Variants in RUNX1T1 observed in about 807,000 individuals in gnomAD.
RUNX1T1 encodes the protein RUNX1 partner transcriptional co-repressor 1, also known as protein CBFA2T1.
A neutral mutation model predicts 62.8 loss-of-function variants in RUNX1T1; 4 were observed. The ratio of observed to expected loss-of-function variants is 0.06; its 90% CI spans 0.03 to 0.15. The LOEUF (loss-of-function observed/expected upper bound fraction) is 0.15, where lower values mean the gene tolerates loss of function less well. Among genes scored for constraint, RUNX1T1 ranks in the 10% least tolerant of loss-of-function variants. RUNX1T1 has a pLI of 1.00. For synonymous variants in RUNX1T1, 291 were observed against 286.0 expected (o/e 1.02, Z -0.18); for missense variants, 508 against 754.3 (o/e 0.67, Z 3.82).
At chr8:91,977,197 A>G (rs968743674) in intron 8 of RUNX1T1, 3 of 197,418 alleles carry the variant, frequency 1.5e-5, no homozygotes, top group African/African-American at 6.9e-5. Flanking sequence ...TTTCTCAACT[A>G]TTCTGAATTA....
At chr8:92,040,337 G>A (rs369173974) in intron 1 of RUNX1T1, among the ~76,000 whole-genome samples, 1 of 152,120 alleles carries the variant, frequency 6.6e-6, no homozygotes, top group African/African-American at 2.4e-5. Flanking sequence ...ATTTGCAGGT[G>A]TGTGTCCCGT....
intron 1 of RUNX1T1, among the ~76,000 whole-genome samples, chr8:92,091,285 C>G (rs552574343): frequency 6.6e-6 from 1 of 152,280 alleles, no homozygotes; most frequent in East Asian, 1.9e-4. Flanking sequence ...TCATGAATTA[C>G]TTTATAAAGG....
chr8:91,986,037 T>C (rs1293644973), intron 8 of RUNX1T1, 87 bp downstream of exon 9: 1 of 921,358 alleles, frequency 1.1e-6, no homozygotes, highest in Non-Finnish European at 1.8e-6. Flanking sequence ...TCCTTGCATA[T>C]CCTTTAATTT....
intron 1 of RUNX1T1, among the ~76,000 whole-genome samples, chr8:92,086,749 A>G (rs1454336495): frequency 6.6e-6 from 1 of 152,184 alleles, no homozygotes; most frequent in East Asian, 1.9e-4. Context: ...GGTTGGTATT[A>G]ATAACTTCCC....
intron 1 of RUNX1T1, among the ~76,000 whole-genome samples, chr8:92,022,284 CAGAG>C (rs1018778079): frequency 1.3e-5 from 2 of 152,048 alleles, no homozygotes; most frequent in Admixed American, 1.3e-4. Context: ...ACAGTATACA[CAGAG>C]AGAGGATAGA....
At chr8:92,035,046 G>C (rs374039601) in intron 1 of RUNX1T1, among the ~76,000 whole-genome samples, 5 of 152,062 alleles carry the variant, frequency 3.3e-5, no homozygotes, top group African/African-American at 1.2e-4. Flanking sequence ...TGTAATCCCA[G>C]CACTTTGGGA....
exon 11 of RUNX1T1, chr8:91,959,535 C>CT (rs1810013317): frequency 5.9e-6 from 1 of 169,716 alleles, no homozygotes; most frequent in Admixed American, 8.2e-5. Flanking sequence ...TGTATTATGG[C>CT]ATTTTTTTTT....
intron 10 of RUNX1T1, among the ~76,000 whole-genome samples, chr8:91,968,353 G>A (rs1812074802): frequency 2.0e-5 from 3 of 152,232 alleles, no homozygotes; most frequent in African/African-American, 7.2e-5. Flanking sequence ...TGGGAGGTGT[G>A]GTTGCCCTGC....
intron 1 of RUNX1T1, among the ~76,000 whole-genome samples, chr8:92,033,279 G>T (rs551881106): frequency 4.1e-4 from 63 of 152,290 alleles, no homozygotes; most frequent in Middle Eastern, 3.4e-3. Context: ...TACTTGGAAA[G>T]ATCTTTAAAA....
chr8:92,060,553 A>ATC, intron 1 of RUNX1T1, among the ~76,000 whole-genome samples: 1 of 63,948 alleles, frequency 1.6e-5, no homozygotes, highest in East Asian at 3.5e-4. Flanking sequence ...ATATATATAT[A>ATC]TGTGTGTGTG....
downstream of RUNX1T1, chr8:91,957,142 C>T: frequency 4.7e-6 from 1 of 214,410 alleles, no homozygotes; most frequent in Non-Finnish European, 9.4e-6. Context: ...ATAACTTTTT[C>T]TTAATGTGTT....
intron 2 of RUNX1T1, among the ~76,000 whole-genome samples, chr8:92,068,523 G>C (rs1833209280): frequency 1.3e-5 from 2 of 152,108 alleles, no homozygotes; most frequent in Admixed American, 6.5e-5. Context: ...CGAGAGCTCT[G>C]TGGGGCTATT....
intron 8 of RUNX1T1, among the ~76,000 whole-genome samples, chr8:91,979,319 T>TGTTTA (rs1814675202): frequency 6.6e-6 from 1 of 152,184 alleles, no homozygotes; most frequent in African/African-American, 2.4e-5. Flanking sequence ...TTTAGAATAC[T>TGTTTA]GGCTAATCTA....
intron 1 of RUNX1T1, among the ~76,000 whole-genome samples, chr8:92,051,169 G>A (rs1830174779): frequency 6.6e-6 from 1 of 151,992 alleles, no homozygotes; most frequent in South Asian, 2.1e-4. Context: ...GCCTGGAGAG[G>A]AGGGACTCAC....
chr8:91,976,355 A>C (rs1402785195), intron 8 of RUNX1T1, among the ~76,000 whole-genome samples: 1 of 152,206 alleles, frequency 6.6e-6, no homozygotes, highest in African/African-American at 2.4e-5. Flanking sequence ...CTGGTGGTTA[A>C]ACAATCAAAT....
rs147930337 is a variant in RUNX1T1 at position 92,049,919 on chromosome 8, T to C, written c.7+12627A>G. Among the ~76,000 whole-genome samples the C allele has an allele frequency of 7.1e-3, 1,087 of 152,292 alleles. 14 individuals carry two copies. The highest frequency in any genetic ancestry group is 0.024 in the African/African-American group (1,012 of 41,568). On this transcript the variant is annotated intron_variant, in intron 1 of 10. Coordinates refer to ENST00000396218, the Ensembl canonical transcript of RUNX1T1. The stretch of plus-strand genomic sequence containing the variant: ...ACTCCTTATTTTGTCCATTACGGTA[T>C]ATTTAAAAAATTATCTTTGAAAGGC...
At chr8:92,082,598 C>T (rs903050196) in intron 1 of RUNX1T1, among the ~76,000 whole-genome samples, 6 of 152,118 alleles carry the variant, frequency 3.9e-5, no homozygotes, top group Admixed American at 6.6e-5. Flanking sequence ...GCTGCACTGC[C>T]GAAACTGTCT....
intron 8 of RUNX1T1, chr8:91,979,745 T>C (rs1306711222): frequency 2.1e-6 from 1 of 487,532 alleles, no homozygotes; most frequent in Non-Finnish European, 4.0e-6. Context: ...ATCTATGATG[T>C]ATGAAAGAGA....
intron 5 of RUNX1T1, 34 bp from the exon 7 acceptor site, chr8:91,991,923 A>T (rs1441814073): frequency 3.7e-5 from 59 of 1,611,522 alleles, no homozygotes; most frequent in Non-Finnish European, 5.0e-5. Context: ...TTGTTTCATC[A>T]TCTATTCAGA....
Sources: allele counts gnomAD v4.1 joint callset (sites outside exome capture counted in the v4.1 genomes callset), GRCh38; gene constraint gnomAD v4.1.1; transcripts MANE v1.5; gene names NCBI Gene and HGNC (gene_info 2026-07-23, HGNC 2026-07-21).